DTX1: variants seen among roughly 807,000 people sequenced by gnomAD.
The protein encoded by DTX1 is deltex E3 ubiquitin ligase 1, also known as E3 ubiquitin-protein ligase DTX1.
A neutral mutation model predicts 57.8 loss-of-function variants in DTX1; 26 were observed. That is an observed-to-expected ratio of 0.45 (90% CI 0.33 to 0.62). The LOEUF (loss-of-function observed/expected upper bound fraction) is 0.62, where lower values mean the gene tolerates loss of function less well. DTX1 is among the 20% of genes least tolerant of loss of function. The pLI is 0.02. For synonymous variants in DTX1, 398 were observed against 394.1 expected (o/e 1.01, Z -0.12); for missense variants, 704 against 895.3 (o/e 0.79, Z 2.73).
At chr12:113,063,397 A>T (rs536515780) in intron 2 of DTX1, among the ~76,000 whole-genome samples, 28 of 152,334 alleles carry the variant, frequency 1.8e-4, no homozygotes, top group African/African-American at 6.7e-4. Context: ...TTTCCCACCC[A>T]GTTCACACAG....
chr12:113,077,563 C>T lies in DTX1; in HGVS notation c.399C>T (p.Tyr133=). 1 of 1,613,896 alleles carries T rather than the reference C, an allele frequency of 6.2e-7. No individual in the cohort carries two copies. Among genetic ancestry groups the T allele is most frequent in the Non-Finnish European group, 8.5e-7 (1 of 1,179,922 alleles). ...MDICITIQNA[Y]EKQHPWLDLS... Reference sequence around the variant, plus strand: ...TCTGCATCACCATCCAGAACGCCTACGAGAAGCAGCACCCGTGGCTCGACC... The same window carrying T: ...TCTGCATCACCATCCAGAACGCCTATGAGAAGCAGCACCCGTGGCTCGACC... The change falls in exon 3 of 10, where the codon TAC becomes TAT. Residue 133 remains tyrosine (Y), a synonymous_variant. Coordinates refer to ENST00000548759, the MANE Select transcript of DTX1 (RefSeq NM_004416.3). The surrounding 1 kb of genome is among the most constrained non-coding windows in gnomAD (Gnocchi z 7.8).
chr12:113,094,089 C>G lies in DTX1; in HGVS notation c.1217C>G (p.Pro406Arg). The change falls in exon 6 of 10, where the codon CCA (proline) becomes CGA (arginine). Residue 406 changes from proline (P) to arginine (R), a missense_variant. This residue lies in a region of DTX1 where 299 missense variants were observed against 311.2 expected (regional missense o/e 0.96). Coordinates refer to ENST00000548759, the MANE Select transcript of DTX1 (RefSeq NM_004416.3). ...VRRYMQKVKN[P>R]PDEDCTICME... Reference sequence around the variant, plus strand: ...AGATACATGCAGAAGGTGAAAAACCCACCTGATGAGGTGAGGAGGGGATGG... The same window carrying G: ...AGATACATGCAGAAGGTGAAAAACCGACCTGATGAGGTGAGGAGGGGATGG... 1.3e-6 allele frequency: 2 copies of G among 1,561,366 alleles called. No individual in the cohort carries two copies. Among genetic ancestry groups the G allele is most frequent in the African/African-American group, 2.7e-5 (2 of 74,344 alleles).
intron 3 of DTX1, among the ~76,000 whole-genome samples, chr12:113,082,456 GGCCCAAGTGCA>G (rs1358734686): frequency 6.6e-6 from 1 of 152,152 alleles, no homozygotes; most frequent in African/African-American, 2.4e-5. Flanking sequence ...AGACAGCTGA[GGCCCAAGTGCA>G]GCCTATGAGG....
intron 3 of DTX1, among the ~76,000 whole-genome samples, chr12:113,088,479 G>T (rs1619738): frequency 2.6e-5 from 4 of 152,240 alleles, no homozygotes; most frequent in African/African-American, 7.2e-5. Flanking sequence ...TGCTTAAAGA[G>T]GGATAACATT....
intron 2 of DTX1, among the ~76,000 whole-genome samples, chr12:113,062,098 C>T (rs2044669140): frequency 6.6e-6 from 1 of 151,704 alleles, no homozygotes; most frequent in Non-Finnish European, 1.5e-5. Context: ...AAACCCAAAA[C>T]TCATGTGTAT....
Position 113,097,005 on chromosome 12 carries a change from T to G in DTX1, c.*66T>G. ...TCCGGCAAATGCCTCCTTCGCCAGG[T>G]GTGTCCTGGTAGCCCAGGTTCAGGG... On this transcript the variant is annotated 3_prime_UTR_variant, in exon 10 of 10. Transcript: ENST00000548759. The G allele has an allele frequency of 6.7e-7, 1 of 1,492,420 alleles. No homozygotes were observed. The highest frequency in any genetic ancestry group is 9.0e-7 in the Non-Finnish European group (1 of 1,114,842). The allele number at this position is 1,492,420 out of a possible 1,614,324, so 92.4% of individuals were successfully genotyped here.
intron 3 of DTX1, among the ~76,000 whole-genome samples, chr12:113,087,599 G>T (rs544756094): frequency 1.3e-5 from 2 of 152,070 alleles, no homozygotes; most frequent in Non-Finnish European, 2.9e-5. Context: ...AGGGTGGGGG[G>T]TCCCTAAAGC....
intron 3 of DTX1, among the ~76,000 whole-genome samples, chr12:113,082,889 C>T (rs367624510): frequency 4.6e-5 from 7 of 152,216 alleles, no homozygotes; most frequent in East Asian, 1.9e-4. Context: ...TGAGCCACAG[C>T]GACTGGCCTG....
Position 113,093,436 on chromosome 12 carries a change from A to ATCCCC in DTX1, c.1004-103_1004-102insTCCCC. 6.8e-6 allele frequency: 6 copies of ATCCCC among 876,260 alleles called. No individual in the cohort carries two copies. Among genetic ancestry groups the ATCCCC allele is most frequent in the Non-Finnish European group, 5.1e-6 (3 of 586,212 alleles). 54.3% of individuals were successfully genotyped at this position (876,260 alleles called of 1,614,324 possible). A position where few individuals can be genotyped will look rare whatever the true frequency, so the allele number is the denominator to read the frequency against. On this transcript the variant is annotated intron_variant, in intron 4 of 9. Transcript: ENST00000548759. This position sits in a 1 kb window ranked among gnomAD's most constrained non-coding sequence, Gnocchi z 4.2. ...CTGAGTGGGTGGGGCCCAAGAGCGC[A>ATCCCC]ACCCTCCCACCCACCCGAGGGCCCC...
At chr12:113,090,743 A>G (rs2136065831) in intron 3 of DTX1, among the ~76,000 whole-genome samples, 1 of 152,198 alleles carries the variant, frequency 6.6e-6, no homozygotes, top group Non-Finnish European at 1.5e-5. Flanking sequence ...ACGTGATACT[A>G]TCCTGTATAG....
Position 113,093,337 on chromosome 12 carries a change from C to T in DTX1, c.1003+114C>T, listed in dbSNP as rs1950260854. 2.2e-6 allele frequency: 3 copies of T among 1,382,498 alleles called. No individual in the cohort carries two copies. Among genetic ancestry groups the T allele is most frequent in the Non-Finnish European group, 2.9e-6 (3 of 1,024,038 alleles). 85.6% of individuals were successfully genotyped at this position (1,382,498 alleles called of 1,614,324 possible). A position where few individuals can be genotyped will look rare whatever the true frequency, so the allele number is the denominator to read the frequency against. ...GCTGGTGAGCGTGGCCCGGAGGAAA[C>T]GCCCCCTTCCACTGGGCCCAGGACA... On this transcript the variant is annotated intron_variant, in intron 4 of 9. Transcript: ENST00000548759. The surrounding 1 kb of genome is among the most constrained non-coding windows in gnomAD (Gnocchi z 4.2).
At chr12:113,091,040 C>T (rs564616295) in intron 3 of DTX1, among the ~76,000 whole-genome samples, 1 of 152,310 alleles carries the variant, frequency 6.6e-6, no homozygotes, top group South Asian at 2.1e-4. Context: ...TGCAGCGCGC[C>T]GGGGGCTTGT....
chr12:113,075,521 CA>C (rs1234655964), intron 2 of DTX1, among the ~76,000 whole-genome samples: 3 of 152,240 alleles, frequency 2.0e-5, no homozygotes, highest in Non-Finnish European at 4.4e-5. Flanking sequence ...CCCCAAGACA[CA>C]GAGCAGGCTA....
chr12:113,094,061 C>G lies in DTX1; in HGVS notation c.1189C>G (p.Arg397Gly), dbSNP rs747945791. 2 of 1,573,184 alleles carry G rather than the reference C, an allele frequency of 1.3e-6. No individual in the cohort carries two copies. The highest frequency in any genetic ancestry group is 1.2e-5 in the South Asian group (1 of 85,690). The change falls in exon 6 of 10, where the codon CGA becomes GGA. Residue 397 changes from arginine to glycine, a missense_variant. This residue lies in a region of DTX1 where 299 missense variants were observed against 311.2 expected (regional missense o/e 0.96). Transcript: ENST00000548759. ...AGGTAAGAATCCCGAGGATGTGGTT[C>G]GAAGATACATGCAGAAGGTGAAAAA... ...KKSKNPEDVVRRYMQKVKNPP... is the reference protein window; with the variant it reads ...KKSKNPEDVVGRYMQKVKNPP...
At chr12:113,062,102 T>C (rs1169726030) in intron 2 of DTX1, among the ~76,000 whole-genome samples, 5 of 151,858 alleles carry the variant, frequency 3.3e-5, no homozygotes. Context: ...CCAAAACTCA[T>C]GTGTATGTGC....
At position 113,078,005 on chromosome 12, in the gene DTX1, G is replaced by A. The variant is rs2044786374; in HGVS notation, c.841G>A (p.Gly281Ser). The change falls in exon 3 of 10, where the codon GGC (glycine) becomes AGC (serine). Residue 281 changes from glycine (G) to serine (S), a missense_variant. Transcript: ENST00000548759. The part of the protein sequence containing the change: ...PPPGAPPRSP[G>S]APGGARTPGQ... Reference sequence around the variant, plus strand: ...TCCCGGGGCGCCCCCACGGAGCCCGGGCGCCCCCGGCGGAGCGCGCACCCC... The same window carrying A: ...TCCCGGGGCGCCCCCACGGAGCCCGAGCGCCCCCGGCGGAGCGCGCACCCC... 5 of 1,125,674 alleles carry A rather than the reference G, an allele frequency of 4.4e-6. No individual in the cohort carries two copies. Among genetic ancestry groups the A allele is most frequent in the South Asian group, 8.5e-5 (2 of 23,544 alleles). 69.7% of individuals were successfully genotyped at this position (1,125,674 alleles called of 1,614,324 possible). A position where few individuals can be genotyped will look rare whatever the true frequency, so the allele number is the denominator to read the frequency against.
intron 3 of DTX1, among the ~76,000 whole-genome samples, chr12:113,090,789 C>G (rs191415574): frequency 1.1e-4 from 17 of 152,178 alleles, no homozygotes; most frequent in Admixed American, 1.1e-3. Context: ...GTGCGCTGCA[C>G]CTGTGTGCAT....
intron 3 of DTX1, among the ~76,000 whole-genome samples, chr12:113,085,158 T>G (rs919413008): frequency 6.6e-6 from 1 of 152,138 alleles, no homozygotes; most frequent in African/African-American, 2.4e-5. Context: ...CAAGCAATAC[T>G]TGTACCTCAG....
intron 3 of DTX1, among the ~76,000 whole-genome samples, chr12:113,091,915 G>C (rs546650804): frequency 3.9e-5 from 6 of 152,126 alleles, no homozygotes; most frequent in Non-Finnish European, 4.4e-5. Context: ...TCCAGCCTGG[G>C]TTCCATGCCC....
Sources: allele counts gnomAD v4.1 joint callset (sites outside exome capture counted in the v4.1 genomes callset), GRCh38; gene constraint gnomAD v4.1.1; regional missense constraint gnomAD v4.1.1; non-coding constraint Gnocchi (gnomAD v3.1); transcripts MANE v1.5; gene names NCBI Gene and HGNC (gene_info 2026-07-23, HGNC 2026-07-21).